Variants in DYNC1I2 observed in about 807,000 individuals in gnomAD.
DYNC1I2 encodes the protein cytoplasmic dynein 1 intermediate chain 2.
In DYNC1I2, 53 loss-of-function variants were observed where a neutral mutation model predicts 88.6. That is an observed-to-expected ratio of 0.60 (90% CI 0.48 to 0.75). DYNC1I2 has a LOEUF of 0.75. Ranked by LOEUF, DYNC1I2 falls within the 30% of genes least tolerant of loss-of-function variation. The pLI, the probability that DYNC1I2 is intolerant of heterozygous loss-of-function variation, is 0.00. For synonymous variants in DYNC1I2, 198 were observed against 254.6 expected, an observed-to-expected ratio of 0.78 and a Z score of 2.12; for missense variants, 458 against 766.6, an observed-to-expected ratio of 0.60 and a Z score of 4.75.
At chr2:171,698,775 A>G (rs1056337623) in intron 3 of DYNC1I2, among the ~76,000 whole-genome samples, 17 of 152,272 alleles carry the variant, frequency 1.1e-4, no homozygotes, top group African/African-American at 3.9e-4. Flanking sequence ...AGGCTGAGAC[A>G]GGAGAATGGA....
intron 3 of DYNC1I2, among the ~76,000 whole-genome samples, chr2:171,700,777 G>A (rs984735166): frequency 4.6e-5 from 7 of 151,992 alleles, no homozygotes; most frequent in South Asian, 2.1e-4. Flanking sequence ...GACTACAGGC[G>A]CCCGCCACCA....
At chr2:171,710,436 G>A (rs1687032572) in intron 5 of DYNC1I2, among the ~76,000 whole-genome samples, 2 of 152,254 alleles carry the variant, frequency 1.3e-5, no homozygotes, top group Admixed American at 6.5e-5. Context: ...AACTTCAGTT[G>A]GCTAAGATGG....
intron 15 of DYNC1I2, among the ~76,000 whole-genome samples, chr2:171,732,202 A>C (rs1192534833): frequency 1.1e-4 from 17 of 152,246 alleles, no homozygotes; most frequent in Non-Finnish European, 2.9e-5. Context: ...CGTCTCACTG[A>C]AAATACAAAA....
chr2:171,727,750 A>T, intron 11 of DYNC1I2, 71 bp from the exon 12 acceptor site: 1 of 1,410,808 alleles, frequency 7.1e-7, no homozygotes, highest in Non-Finnish European at 9.8e-7. Flanking sequence ...TTCGGATAAT[A>T]GATTGATTTT....
chr2:171,707,680 T>C (rs564735867), intron 5 of DYNC1I2, among the ~76,000 whole-genome samples: 3 of 152,328 alleles, frequency 2.0e-5, no homozygotes, highest in East Asian at 3.9e-4. Context: ...GTTTAAACTT[T>C]TTGTTGGTTA....
Position 171,738,931 on chromosome 2 carries a change from C to T in DYNC1I2, c.1537-5118C>T, listed in dbSNP as rs536564376. 2.6e-4 allele frequency among the ~76,000 whole-genome samples: 40 copies of T among 151,986 alleles called. No individual in the cohort carries two copies. In the South Asian group the frequency reaches 2.7e-3, roughly 10 times the overall value. On this transcript the variant is annotated intron_variant, in intron 15 of 17. Coordinates refer to ENST00000397119, the MANE Select transcript of DYNC1I2 (RefSeq NM_001378.3). ...TGGGAGGCCAAGGCAGGTGGATCAC[C>T]GGAGGTCAGGAGTTCGAGGCCAGCC... is the stretch of plus-strand genomic sequence containing the variant.
Position 171,707,300 on chromosome 2 carries a change from G to A in DYNC1I2, c.258G>A (p.Met86Ile), listed in dbSNP as rs767972505. The A allele has an allele frequency of 6.2e-7, 1 of 1,613,622 alleles. No homozygotes were observed. The highest frequency in any genetic ancestry group is 1.1e-5 in the South Asian group (1 of 91,070). ...VFSEYWVPPP[M>I]SPSSKSVSTP... ...TTCACTATTTAGTCCCTCCTCCTAT[G>A]TCTCCATCCTCCAAATCTGTGAGCA... The change falls in exon 5 of 18, where the codon ATG (methionine) becomes ATA (isoleucine). Residue 86 changes from methionine to isoleucine, a missense_variant. Met to Ile is a conservative substitution (Grantham distance 10). Coordinates refer to ENST00000397119, the MANE Select transcript of DYNC1I2 (RefSeq NM_001378.3).
Position 171,692,836 on chromosome 2 carries a change from A to G in DYNC1I2, c.168A>G (p.Lys56=). 1 of 1,609,648 alleles carries G rather than the reference A, an allele frequency of 6.2e-7. No individual in the cohort carries two copies. The highest frequency in any genetic ancestry group is 8.5e-7 in the Non-Finnish European group (1 of 1,177,950). Residue 56 remains lysine (K), a synonymous_variant, in exon 3 of 18, where the codon AAA becomes AAG. Coordinates refer to ENST00000397119, the MANE Select transcript of DYNC1I2 (RefSeq NM_001378.3). The part of the protein sequence containing the change: ...PVQEESDLEK[K]RREAEALLQS... ...AAGAAGAATCAGATCTTGAAAAAAA[A>G]AGGAGAGAAGCTGAAGCATTGCTTC... is the stretch of plus-strand genomic sequence containing the variant.
intron 1 of DYNC1I2, chr2:171,688,438 A>C (rs1685136267): frequency 6.6e-6 from 1 of 152,224 alleles, no homozygotes. Flanking sequence ...GCTTATTTTA[A>C]TATCAATTAG....
intron 3 of DYNC1I2, among the ~76,000 whole-genome samples, chr2:171,703,822 C>A (rs1262184611): frequency 2.0e-5 from 3 of 152,122 alleles, no homozygotes; most frequent in African/African-American, 7.2e-5. Context: ...ATTATTGTAA[C>A]GTGGACTGTG....
At chr2:171,705,931 T>C (rs1230489699) in intron 3 of DYNC1I2, among the ~76,000 whole-genome samples, 1 of 152,062 alleles carries the variant, frequency 6.6e-6, no homozygotes, top group Non-Finnish European at 1.5e-5. Flanking sequence ...TTTTTTTTCT[T>C]ATAATCTTAT....
At position 171,728,472 on chromosome 2, in the gene DYNC1I2, T is replaced by A. The variant is rs533379939; in HGVS notation, c.1257+54T>A. On this transcript the variant is annotated intron_variant, in intron 13 of 17. Transcript: ENST00000397119. Reference sequence around the variant, plus strand: ...TGAGGCAAATGTTATGTTTTAAGTGTATGTGTACCTCAACTTATGTTTCTC... The same window carrying A: ...TGAGGCAAATGTTATGTTTTAAGTGAATGTGTACCTCAACTTATGTTTCTC... The A allele has an allele frequency of 2.4e-5, 26 of 1,073,758 alleles. No homozygotes were observed. In the African/African-American group the frequency reaches 3.2e-4, roughly 13 times the overall value. 66.5% of individuals were successfully genotyped at this position (1,073,758 alleles called of 1,614,324 possible).
At chr2:171,696,862 C>A (rs1232606292) in intron 3 of DYNC1I2, among the ~76,000 whole-genome samples, 1 of 152,126 alleles carries the variant, frequency 6.6e-6, no homozygotes, top group Non-Finnish European at 1.5e-5. Context: ...GAAAATCACC[C>A]CCTTTGTTCC....
At chr2:171,734,006 T>G (rs1310252723) in intron 15 of DYNC1I2, among the ~76,000 whole-genome samples, 1 of 152,206 alleles carries the variant, frequency 6.6e-6, no homozygotes, top group Non-Finnish European at 1.5e-5. Flanking sequence ...GTTTCAGTTT[T>G]CTACATATGG....
chr2:171,712,562 A>G (rs1687196845), intron 5 of DYNC1I2: 1 of 505,576 alleles, frequency 2.0e-6, no homozygotes, highest in African/African-American at 1.9e-5. Context: ...CTTTAACCAT[A>G]GGAAGCCTAT....
At chr2:171,692,660 C>A in intron 2 of DYNC1I2, 117 bp from the exon 3 acceptor site, 1 of 641,732 alleles carries the variant, frequency 1.6e-6, no homozygotes, top group South Asian at 2.3e-5. Context: ...TTAACCTGTA[C>A]TCAAAACTAA....
At chr2:171,694,423 C>T (rs566083336) in intron 3 of DYNC1I2, among the ~76,000 whole-genome samples, 4 of 152,044 alleles carry the variant, frequency 2.6e-5, no homozygotes, top group South Asian at 4.2e-4. Flanking sequence ...TTTGGGAGGC[C>T]GAGGTGGGCG....
intron 15 of DYNC1I2, among the ~76,000 whole-genome samples, chr2:171,735,337 G>A (rs1688931513): frequency 6.6e-6 from 1 of 152,108 alleles, no homozygotes; most frequent in African/African-American, 2.4e-5. Flanking sequence ...CTATTTTTAA[G>A]ACAGGCTGAG....
intron 12 of DYNC1I2, 143 bp downstream of exon 12, chr2:171,728,110 G>C (rs113050035): frequency 2.7e-6 from 3 of 1,106,684 alleles, no homozygotes; most frequent in African/African-American, 1.6e-5. Flanking sequence ...AAGAATGAAG[G>C]CTATTTTTTT....
Sources: gnomAD v4.1 joint callset for allele counts (sites outside exome capture counted in the v4.1 genomes callset) on GRCh38, gnomAD v4.1.1 for gene constraint, MANE v1.5 for transcripts, NCBI Gene and HGNC (gene_info 2026-07-23, HGNC 2026-07-21) for gene names.